The following CNTN1 variants were observed in gnomAD, a reference collection of about 807,000 sequenced individuals.
CNTN1 encodes contactin 1, also known as contactin-1.
Under a neutral mutation model 126.4 loss-of-function variants are expected in CNTN1, and 38 were observed. The observed-to-expected ratio is 0.30, with a 90% CI of 0.23 to 0.39. The LOEUF is 0.39. Among genes scored for constraint, CNTN1 ranks in the 10% least tolerant of loss-of-function variants. The pLI is 1.00. For missense variants in CNTN1, 1,009 were observed against 1,248.4 expected (o/e 0.81, Z 2.89); for synonymous variants, 413 against 422.6 (o/e 0.98, Z 0.28).
intron 1 of CNTN1, chr12:40,895,812 C>A (rs1271869511): frequency 6.9e-6 from 1 of 144,912 alleles, no homozygotes; most frequent in Non-Finnish European, 1.5e-5. Flanking sequence ...GGCTGGAGTG[C>A]AGTGGCGCGA....
intron 1 of CNTN1, among the ~76,000 whole-genome samples, chr12:40,851,250 C>A (rs1942704849): frequency 6.6e-6 from 1 of 152,194 alleles, no homozygotes; most frequent in Non-Finnish European, 1.5e-5. Flanking sequence ...ATAGGTGTGA[C>A]TCTCGTCTCT....
At chr12:40,726,111 T>G (rs562371774) in intron 1 of CNTN1, among the ~76,000 whole-genome samples, 1 of 151,880 alleles carries the variant, frequency 6.6e-6, no homozygotes, top group Non-Finnish European at 1.5e-5. Flanking sequence ...GGGGAAAGAA[T>G]GTGGCAAACA....
At chr12:40,898,911 C>T (rs970738925) in intron 1 of CNTN1, among the ~76,000 whole-genome samples, 7 of 152,210 alleles carry the variant, frequency 4.6e-5, no homozygotes, top group Non-Finnish European at 1.0e-4. Context: ...GCATCATAAT[C>T]CTATGCAGCA....
At chr12:40,943,942 A>G (rs531068999) in intron 13 of CNTN1, 53 bp from the exon 14 acceptor site, 378 of 1,522,752 alleles carry the variant, frequency 2.5e-4, no homozygotes, top group Non-Finnish European at 3.3e-4. Flanking sequence ...TATACCAGAT[A>G]ATATTGTGTC....
chr12:40,776,206 C>T (rs1423002599), intron 1 of CNTN1, among the ~76,000 whole-genome samples: 1 of 151,502 alleles, frequency 6.6e-6, no homozygotes, highest in Admixed American at 6.6e-5. Flanking sequence ...ACAGTTGGGA[C>T]TCATTACTGA....
chr12:40,820,122 T>C (rs1423302320), intron 1 of CNTN1, among the ~76,000 whole-genome samples: 1 of 152,204 alleles, frequency 6.6e-6, no homozygotes, highest in Non-Finnish European at 1.5e-5. Flanking sequence ...CTTTCAGTCA[T>C]GGCAGAAGGC....
chr12:40,822,146 A>ATTTTTTTTTTTTTTTTTTTTT (rs1315956279), intron 1 of CNTN1, among the ~76,000 whole-genome samples: 2 of 81,892 alleles, frequency 2.4e-5, no homozygotes, highest in Admixed American at 3.1e-4. Context: ...CAAAATATAA[A>ATTTTTTTTTTTTTTTTTTTTT]TCTTTTTTTT....
At chr12:40,819,354 C>T (rs1300821233) in intron 1 of CNTN1, among the ~76,000 whole-genome samples, 1 of 152,138 alleles carries the variant, frequency 6.6e-6, no homozygotes, top group Admixed American at 6.5e-5. Flanking sequence ...CCAGGGAGCT[C>T]TGAATTCTGT....
chr12:40,852,251 T>A (rs1180166840), intron 1 of CNTN1, among the ~76,000 whole-genome samples: 1 of 152,180 alleles, frequency 6.6e-6, no homozygotes, highest in Non-Finnish European at 1.5e-5. Context: ...CCCGATCAAA[T>A]TAACCCCTCG....
chr12:41,026,270 C>A (rs544998362), intron 21 of CNTN1, among the ~76,000 whole-genome samples: 1 of 152,300 alleles, frequency 6.6e-6, no homozygotes, highest in East Asian at 1.9e-4. Context: ...AGGGATCAAA[C>A]CAGTCCAAGG....
In CNTN1 at chr12:40,833,925, C is replaced by T. The variant is rs990126500; in HGVS notation, c.-76-74432C>T. 1.4e-4 allele frequency among the ~76,000 whole-genome samples: 22 copies of T among 152,098 alleles called. 1 individual carries two copies. The highest frequency in any genetic ancestry group is 4.6e-4 in the African/African-American group (19 of 41,406). On this transcript the variant is annotated intron_variant, in intron 1 of 23. Transcript: ENST00000551295. ...ATTTTGAAACTGTAACTACCAAATGCTAGTTTTGTTTACATAATGTCTTTA... is the reference window on the plus strand; with the variant it reads ...ATTTTGAAACTGTAACTACCAAATGTTAGTTTTGTTTACATAATGTCTTTA...
chr12:40,923,125 A>G (rs1592262568), intron 5 of CNTN1, among the ~76,000 whole-genome samples: 1 of 152,192 alleles, frequency 6.6e-6, no homozygotes, highest in East Asian at 1.9e-4. Context: ...GATCAACCCA[A>G]TATGACAATA....
chr12:40,903,628 C>T (rs1279689474), intron 1 of CNTN1, among the ~76,000 whole-genome samples: 2 of 151,980 alleles, frequency 1.3e-5, no homozygotes, highest in Non-Finnish European at 2.9e-5. Flanking sequence ...AACAGATCAC[C>T]AGCAGAAAAA....
chr12:40,906,347 G>A (rs1290196955), intron 1 of CNTN1, among the ~76,000 whole-genome samples: 1 of 151,952 alleles, frequency 6.6e-6, no homozygotes, highest in African/African-American at 2.4e-5. Context: ...TTCTGCCTAG[G>A]AAAATAAATT....
chr12:40,725,127 T>A (rs1464179324), intron 1 of CNTN1, among the ~76,000 whole-genome samples: 1 of 151,938 alleles, frequency 6.6e-6, no homozygotes, highest in Non-Finnish European at 1.5e-5. Flanking sequence ...TTGGGCCAGG[T>A]GTGGTGGCTC....
intron 1 of CNTN1, among the ~76,000 whole-genome samples, chr12:40,847,559 C>T (rs1481225603): frequency 6.6e-6 from 1 of 152,230 alleles, no homozygotes; most frequent in South Asian, 2.1e-4. Flanking sequence ...ATTTGTGTTA[C>T]TTTCAAATGT....
intron 1 of CNTN1, among the ~76,000 whole-genome samples, chr12:40,821,804 A>C (rs147287465): frequency 6.6e-6 from 1 of 152,198 alleles, no homozygotes; most frequent in East Asian, 1.9e-4. Flanking sequence ...ATTGGATGAC[A>C]TTAGAAGTAT....
chr12:40,737,660 A>G (rs1481038689), intron 1 of CNTN1, among the ~76,000 whole-genome samples: 5 of 151,912 alleles, frequency 3.3e-5, no homozygotes, highest in Admixed American at 2.6e-4. Context: ...CACTGACTCA[A>G]ATGTTAATCT....
chr12:40,695,751 G>A (rs117695255), intron 1 of CNTN1, among the ~76,000 whole-genome samples: 35 of 152,216 alleles, frequency 2.3e-4, no homozygotes, highest in Non-Finnish European at 3.8e-4. Context: ...CTCTGATAGC[G>A]TACTTTTTTC....
Sources: allele counts gnomAD v4.1 joint callset (sites outside exome capture counted in the v4.1 genomes callset), GRCh38; gene constraint gnomAD v4.1.1; transcripts MANE v1.5; gene names NCBI Gene and HGNC (gene_info 2026-07-23, HGNC 2026-07-21).